The following RHAG variants were observed in gnomAD, a reference collection of about 807,000 sequenced individuals.
The protein encoded by RHAG is Rh associated glycoprotein.
RHAG carries 25 observed loss-of-function variants against 42.4 expected under a neutral mutation model. The observed-to-expected ratio is 0.59, with a 90% CI of 0.43 to 0.82. The LOEUF (loss-of-function observed/expected upper bound fraction) is 0.82. RHAG is among the 40% of genes least tolerant of loss of function. RHAG has a pLI of 0.00. For missense variants in RHAG, 483 were observed against 504.6 expected (o/e 0.96, Z 0.41); for synonymous variants, 182 against 177.7 (o/e 1.02, Z -0.19).
intron 5 of RHAG, among the ~76,000 whole-genome samples, chr6:49,614,447 C>T (rs192431073): frequency 2.1e-4 from 32 of 152,152 alleles, no homozygotes; most frequent in African/African-American, 7.5e-4. Flanking sequence ...GGTAATCCCC[C>T]TGTCTAGGCC....
intron 7 of RHAG, among the ~76,000 whole-genome samples, chr6:49,610,381 C>T (rs982165117): frequency 2.0e-5 from 3 of 152,060 alleles, no homozygotes; most frequent in African/African-American, 4.8e-5. Context: ...CTGGGGTTTG[C>T]TTGATAGTTG....
rs575463882 is a variant in RHAG at position 49,630,876 on chromosome 6, G to C, written c.157+5780C>G. On this transcript the variant is annotated intron_variant, in intron 1 of 9. Transcript: ENST00000371175. ...AGACTGTCTTTTTATAAAATTTCTG[G>C]ATTAATTATTCACTCAAGTTTCATA... Among the ~76,000 whole-genome samples, 5 of 152,162 alleles carry C rather than the reference G, an allele frequency of 3.3e-5. No homozygotes were observed. The South Asian group carries it at 8.3e-4, about 25-fold the overall frequency.
At position 49,632,590 on chromosome 6, in the gene RHAG, A is replaced by G. The variant is rs987906587; in HGVS notation, c.157+4066T>C. On this transcript the variant is annotated intron_variant, in intron 1 of 9. Transcript: ENST00000371175. Reference sequence around the variant, plus strand: ...AACATTTGGAAGACCTGTATAAGTCAGTGAATCAATATTTTTCAAATGGAC... The same window carrying G: ...AACATTTGGAAGACCTGTATAAGTCGGTGAATCAATATTTTTCAAATGGAC... 1.1e-4 allele frequency among the ~76,000 whole-genome samples: 17 copies of G among 152,292 alleles called. No individual in the cohort carries two copies. The East Asian group carries it at 3.1e-3, about 28-fold the overall frequency.
chr6:49,606,947 C>A, intron 8 of RHAG, 26 bp from the exon 9 acceptor site: 2 of 1,535,386 alleles, frequency 1.3e-6, no homozygotes, highest in South Asian at 1.1e-5. Context: ...GAAAATGAGT[C>A]ATGTTGTGAC....
chr6:49,614,146 C>G (rs1268285), intron 5 of RHAG, among the ~76,000 whole-genome samples: 1 of 152,128 alleles, frequency 6.6e-6, no homozygotes, highest in Non-Finnish European at 1.5e-5. Flanking sequence ...GACTGTAAAT[C>G]CCTTGAGAAC....
chr6:49,630,951 C>G (rs572913551), intron 1 of RHAG, among the ~76,000 whole-genome samples: 1 of 152,306 alleles, frequency 6.6e-6, no homozygotes, highest in South Asian at 2.1e-4. Context: ...GAGCAGTTCT[C>G]TTACATGCTT....
At chr6:49,632,919 T>C (rs983452322) in intron 1 of RHAG, among the ~76,000 whole-genome samples, 20 of 152,270 alleles carry the variant, frequency 1.3e-4, no homozygotes, top group African/African-American at 4.6e-4. Context: ...AGCACTTTGA[T>C]AGGTGCTATG....
At chr6:49,630,973 T>C (rs1762926659) in intron 1 of RHAG, among the ~76,000 whole-genome samples, 1 of 152,230 alleles carries the variant, frequency 6.6e-6, no homozygotes, top group African/African-American at 2.4e-5. Flanking sequence ...TCATTGCTGG[T>C]ATTATTTCAT....
intron 5 of RHAG, among the ~76,000 whole-genome samples, chr6:49,613,069 A>ACT (rs1762593461): frequency 7.3e-6 from 1 of 137,672 alleles, no homozygotes; most frequent in Non-Finnish European, 1.6e-5. Flanking sequence ...AGAGGAACTG[A>ACT]TTTTTTTTTT....
intron 1 of RHAG, among the ~76,000 whole-genome samples, chr6:49,626,732 T>C (rs1031214721): frequency 6.6e-6 from 1 of 152,246 alleles, no homozygotes; most frequent in African/African-American, 2.4e-5. Flanking sequence ...AGGTTCTCCA[T>C]GACAGCTCTT....
At chr6:49,613,371 G>A (rs987108251) in intron 5 of RHAG, among the ~76,000 whole-genome samples, 11 of 152,144 alleles carry the variant, frequency 7.2e-5, no homozygotes, top group Admixed American at 6.6e-5. Context: ...TGCCCGGACA[G>A]GAATCAATTT....
chr6:49,618,007 G>T, intron 3 of RHAG, 61 bp downstream of exon 3: 1 of 1,511,618 alleles, frequency 6.6e-7, no homozygotes, highest in Non-Finnish European at 9.2e-7. Flanking sequence ...GACACCCATT[G>T]TTTTTTTGTA....
At chr6:49,617,734 G>A (rs556982453) in intron 3 of RHAG, among the ~76,000 whole-genome samples, 1 of 152,252 alleles carries the variant, frequency 6.6e-6, no homozygotes. Flanking sequence ...ATTCATCATT[G>A]ATAGGCAAAA....
intron 6 of RHAG, 144 bp downstream of exon 6, chr6:49,612,253 A>C: frequency 1.3e-6 from 1 of 792,772 alleles, no homozygotes; most frequent in African/African-American, 1.7e-5. Context: ...CTGAAATGGG[A>C]GTGGTATTTC....
chr6:49,614,481 C>A (rs961738509), intron 5 of RHAG, among the ~76,000 whole-genome samples: 6 of 152,054 alleles, frequency 3.9e-5, no homozygotes, highest in African/African-American at 1.5e-4. Context: ...GGATTACAGG[C>A]ATTAGCCACT....
At chr6:49,624,439 A>G (rs958984465) in intron 1 of RHAG, among the ~76,000 whole-genome samples, 3 of 152,186 alleles carry the variant, frequency 2.0e-5, no homozygotes, top group African/African-American at 7.2e-5. Flanking sequence ...TCCTGACCTC[A>G]GGTGATCCAC....
chr6:49,632,173 A>C (rs1296754736), intron 1 of RHAG: 1 of 152,208 alleles, frequency 6.6e-6, no homozygotes, highest in Non-Finnish European at 1.5e-5. Flanking sequence ...GTGAAATACA[A>C]ATATATGTAA....
chr6:49,614,587 C>T (rs561303251), intron 5 of RHAG, 100 bp downstream of exon 5: 1 of 974,998 alleles, frequency 1.0e-6, no homozygotes, highest in Middle Eastern at 3.1e-4. Context: ...TCTGATTTGT[C>T]TTGAGAGTTC....
intron 1 of RHAG, among the ~76,000 whole-genome samples, chr6:49,625,210 A>G (rs1258145960): frequency 6.6e-6 from 1 of 152,232 alleles, no homozygotes. Context: ...CAATCAATCC[A>G]TGTAGACAAA....
Sources: allele counts gnomAD v4.1 joint callset (sites outside exome capture counted in the v4.1 genomes callset), GRCh38; gene constraint gnomAD v4.1.1; transcripts MANE v1.5; gene names NCBI Gene and HGNC (gene_info 2026-07-23, HGNC 2026-07-21).